Variants in RELN observed in about 807,000 individuals in gnomAD.
RELN encodes reelin.
In RELN, 108 loss-of-function variants were observed where a neutral mutation model predicts 427.6. That is an observed-to-expected ratio of 0.25 (90% CI 0.22 to 0.30). The LOEUF (loss-of-function observed/expected upper bound fraction) is 0.30, where lower values mean the gene tolerates loss of function less well. Ranked by LOEUF, RELN falls within the 10% of genes least tolerant of loss-of-function variation. The probability of loss-of-function intolerance (pLI) is 1.00; values close to 1 mark genes in which losing one functional copy is unlikely to be tolerated. For synonymous variants in RELN, 1,524 were observed against 1,513.4 expected (o/e 1.01, Z -0.16); for missense variants, 3,715 against 4,302.8 (o/e 0.86, Z 3.82).
intron 3 of RELN, among the ~76,000 whole-genome samples, chr7:103,828,422 G>C (rs16872658): frequency 0.11 from 17,371 of 151,786 alleles, 1,127 homozygotes; most frequent in Non-Finnish European, 0.14. Flanking sequence ...GCTGACCTAA[G>C]TTCATTATTT....
chr7:103,982,428 C>T (rs140987951), intron 1 of RELN, among the ~76,000 whole-genome samples: 1 of 151,954 alleles, frequency 6.6e-6, no homozygotes, highest in African/African-American at 2.4e-5. Context: ...AATAAATGTA[C>T]TGATTTGTTT....
At chr7:103,570,172 TC>T (rs1830848848) in intron 31 of RELN, among the ~76,000 whole-genome samples, 1 of 152,150 alleles carries the variant, frequency 6.6e-6, no homozygotes, top group South Asian at 2.1e-4. Context: ...ACTAAAAGGA[TC>T]CTCAGGGAAA....
At chr7:103,491,830 TCTCTCTCTCTCTCTCTCTCTCTCTCTCA>T in intron 58 of RELN, 95 bp downstream of exon 58, 1 of 488,100 alleles carries the variant, frequency 2.0e-6, no homozygotes, top group South Asian at 2.0e-5. Context: ...ACTGTCTCTC[TCTCTCTCTCTCTCTCTCTCTCTCTCTCA>T]CACACACACA....
chr7:103,533,667 G>T (rs185832818), intron 46 of RELN, among the ~76,000 whole-genome samples: 78 of 152,322 alleles, frequency 5.1e-4, no homozygotes, highest in African/African-American at 1.9e-3. Flanking sequence ...ATGCTCATCA[G>T]ATTTTTCAAA....
At position 103,535,484 on chromosome 7, in the gene RELN, G is replaced by A. The variant is rs762035577; in HGVS notation, c.7181C>T (p.Ala2394Val). 5.6e-6 allele frequency: 9 copies of A among 1,613,124 alleles called. No homozygotes were observed. Among genetic ancestry groups the A allele is most frequent in the East Asian group, 2.2e-5 (1 of 44,886 alleles). ...ATCTACTGAGTATTCCAATTCAATC[G>A]CTGAAACAGGAAACATTATTTTGGA... ...ASCSVTDSCY[A>V]IELEYSVDLG... Residue 2394 changes from alanine (A) to valine (V), a missense_variant and splice_region_variant, in exon 46 of 65, where the codon GCG becomes GTG. Ala to Val is a moderately conservative substitution (Grantham distance 64). This residue lies in a region of RELN where 1,310 missense variants were observed against 1,643.0 expected (regional missense o/e 0.80). Coordinates refer to ENST00000428762, the MANE Select transcript of RELN (RefSeq NM_005045.4).
intron 4 of RELN, among the ~76,000 whole-genome samples, chr7:103,772,385 C>T (rs1791591621): frequency 6.6e-6 from 1 of 152,218 alleles, no homozygotes. Flanking sequence ...TTTGTTTCCT[C>T]ATCTTCAAAG....
At chr7:103,896,330 A>G (rs1563076647) in intron 2 of RELN, among the ~76,000 whole-genome samples, 1 of 152,142 alleles carries the variant, frequency 6.6e-6, no homozygotes, top group Non-Finnish European at 1.5e-5. Context: ...AAAAGTGAAA[A>G]TACATATTCA....
At chr7:103,567,542 G>A (rs1217502010) in intron 31 of RELN, among the ~76,000 whole-genome samples, 2 of 152,050 alleles carry the variant, frequency 1.3e-5, no homozygotes, top group South Asian at 2.1e-4. Context: ...ATATACATAT[G>A]TGTGTGTGTA....
chr7:103,746,543 G>T (rs142122752), intron 6 of RELN, among the ~76,000 whole-genome samples: 95,954 of 151,388 alleles, frequency 0.63, 31,344 homozygotes, highest in African/African-American at 0.81. Flanking sequence ...ATATCCAGAA[G>T]CTACAATGAA....
chr7:103,939,441 A>G lies in RELN; in HGVS notation c.227-22256T>C, dbSNP rs150037231. On this transcript the variant is annotated intron_variant, in intron 1 of 64. Coordinates refer to ENST00000428762, the MANE Select transcript of RELN (RefSeq NM_005045.4). ...CAGATAAAAATTTTTGTCTATCAAA[A>G]AGCCCAAGATAAATACAGACAGACA... 7.2e-5 allele frequency among the ~76,000 whole-genome samples: 11 copies of G among 152,312 alleles called. No homozygotes were observed. The East Asian group carries it at 1.9e-3, about 27-fold the overall frequency.
At chr7:103,492,274 T>C (rs1244929953) in intron 57 of RELN, among the ~76,000 whole-genome samples, 1 of 152,126 alleles carries the variant, frequency 6.6e-6, no homozygotes, top group African/African-American at 2.4e-5. Context: ...TAATAAAAAA[T>C]TAATCACAAA....
intron 2 of RELN, among the ~76,000 whole-genome samples, chr7:103,869,560 TTTC>T (rs1422321391): frequency 6.6e-6 from 1 of 152,100 alleles, no homozygotes; most frequent in African/African-American, 2.4e-5. Context: ...CAGTTTTATT[TTTC>T]TTTAGCAATT....
intron 1 of RELN, among the ~76,000 whole-genome samples, chr7:103,928,006 G>A (rs1453767753): frequency 8.1e-6 from 1 of 124,034 alleles, no homozygotes; most frequent in African/African-American, 2.9e-5. Flanking sequence ...GTTTTGATTT[G>A]TTGATTTTTT....
chr7:103,604,853 A>G (rs1204855094), intron 22 of RELN, among the ~76,000 whole-genome samples: 3 of 147,008 alleles, frequency 2.0e-5, no homozygotes, highest in Non-Finnish European at 4.5e-5. Flanking sequence ...TTTTTGAGAC[A>G]GAGTCTCACT....
chr7:103,619,894 G>C (rs569636010), intron 20 of RELN, among the ~76,000 whole-genome samples: 131 of 152,236 alleles, frequency 8.6e-4, no homozygotes, highest in Non-Finnish European at 1.6e-3. Context: ...GTGTGTGTGT[G>C]TTTGTAGATG....
At chr7:103,556,642 G>A (rs1006621329) in intron 38 of RELN, among the ~76,000 whole-genome samples, 1 of 152,034 alleles carries the variant, frequency 6.6e-6, no homozygotes, top group Non-Finnish European at 1.5e-5. Flanking sequence ...GAGATCTGAT[G>A]GGTTTATCAG....
chr7:103,759,570 G>C (rs1386665138), intron 4 of RELN, among the ~76,000 whole-genome samples: 1 of 152,014 alleles, frequency 6.6e-6, no homozygotes, highest in East Asian at 1.9e-4. Context: ...AAGAGTTGCA[G>C]CTTTTTTCCC....
At chr7:103,530,813 T>G (rs1360584664) in intron 46 of RELN, among the ~76,000 whole-genome samples, 1 of 152,224 alleles carries the variant, frequency 6.6e-6, no homozygotes, top group African/African-American at 2.4e-5. Flanking sequence ...GCTTTCACTA[T>G]CATCTCCCAT....
At position 103,824,592 on chromosome 7, in the gene RELN, C is replaced by T. The variant is rs1510849; in HGVS notation, c.473+8945G>A. On this transcript the variant is annotated intron_variant, in intron 3 of 64. Transcript: ENST00000428762. This position sits in a 1 kb window ranked among gnomAD's most constrained non-coding sequence, Gnocchi z 4.4. ...CCAGCTTTGATATGTCTCCTTTCTT[C>T]TGGAAACCAGTGTTTTCACTTTCTT... Among the ~76,000 whole-genome samples, 768 of 148,956 alleles carry T rather than the reference C, an allele frequency of 5.2e-3. 12 individuals carry two copies. Among genetic ancestry groups the T allele is most frequent in the African/African-American group, 0.018 (733 of 40,366 alleles).
Sources: allele counts gnomAD v4.1 joint callset (sites outside exome capture counted in the v4.1 genomes callset), GRCh38; gene constraint gnomAD v4.1.1; regional missense constraint gnomAD v4.1.1; non-coding constraint Gnocchi (gnomAD v3.1); transcripts MANE v1.5; gene names NCBI Gene and HGNC (gene_info 2026-07-23, HGNC 2026-07-21).